The following TMEM132C variants were observed in gnomAD, a reference collection of about 807,000 sequenced individuals.
TMEM132C encodes the protein protein phosphatase 1, regulatory subunit 152.
A neutral mutation model predicts 61.4 loss-of-function variants in TMEM132C; 29 were observed. That is an observed-to-expected ratio of 0.47 (90% CI 0.35 to 0.64). The LOEUF is 0.64. Ranked by LOEUF, TMEM132C falls within the 30% of genes least tolerant of loss-of-function variation. The probability of loss-of-function intolerance (pLI) is 0.00; values close to 1 mark genes in which losing one functional copy is unlikely to be tolerated. For missense variants in TMEM132C, 1,408 were observed against 1,476.9 expected (o/e 0.95, Z 0.76); for synonymous variants, 656 against 633.1 (o/e 1.04, Z -0.54).
At chr12:128,371,298 T>A (rs1229034178) in intron 1 of TMEM132C, among the ~76,000 whole-genome samples, 1 of 152,220 alleles carries the variant, frequency 6.6e-6, no homozygotes, top group Admixed American at 6.5e-5. Context: ...TCTCTGTCAA[T>A]GTAAGTCAAG....
intron 1 of TMEM132C, among the ~76,000 whole-genome samples, chr12:128,313,360 T>G (rs993476209): frequency 6.6e-6 from 1 of 152,206 alleles, no homozygotes; most frequent in Non-Finnish European, 1.5e-5. Flanking sequence ...GAATCAGCCT[T>G]GGCACCCCCA....
chr12:128,436,905 G>A (rs28525498), intron 2 of TMEM132C, among the ~76,000 whole-genome samples: 18,764 of 152,042 alleles, frequency 0.12, 1,193 homozygotes, highest in South Asian at 0.14. Flanking sequence ...CCAAACGTCC[G>A]TCAATGATAG....
At chr12:128,295,995 C>T (rs1321366720) in intron 1 of TMEM132C, among the ~76,000 whole-genome samples, 1 of 152,136 alleles carries the variant, frequency 6.6e-6, no homozygotes, top group African/African-American at 2.4e-5. Context: ...AATGAGTGAA[C>T]ATTGGTTTTC....
At chr12:128,590,017 GT>G (rs2135565708) in intron 3 of TMEM132C, among the ~76,000 whole-genome samples, 1 of 152,290 alleles carries the variant, frequency 6.6e-6, no homozygotes, top group Admixed American at 6.5e-5. Context: ...AACAGTGGAG[GT>G]TGTTCATTGA....
chr12:128,507,318 G>A (rs1380371028), intron 2 of TMEM132C, among the ~76,000 whole-genome samples: 3 of 151,912 alleles, frequency 2.0e-5, no homozygotes, highest in Admixed American at 1.3e-4. Context: ...GAGATTTTAG[G>A]ATCGAGAGAG....
At chr12:128,481,671 T>G (rs967959253) in intron 2 of TMEM132C, among the ~76,000 whole-genome samples, 1 of 152,188 alleles carries the variant, frequency 6.6e-6, no homozygotes, top group African/African-American at 2.4e-5. Flanking sequence ...GAATCCTGCC[T>G]TCCCAAAAAG....
At chr12:128,396,627 G>C (rs1874968555) in intron 1 of TMEM132C, among the ~76,000 whole-genome samples, 1 of 152,202 alleles carries the variant, frequency 6.6e-6, no homozygotes, top group Non-Finnish European at 1.5e-5. Flanking sequence ...TGCCAGGCAT[G>C]ACTGAGCACT....
chr12:128,406,429 C>T (rs1043711431), intron 1 of TMEM132C, among the ~76,000 whole-genome samples: 2 of 152,164 alleles, frequency 1.3e-5, no homozygotes, highest in African/African-American at 2.4e-5. Flanking sequence ...GGAAGATGGT[C>T]ATTAACCAAA....
intron 1 of TMEM132C, among the ~76,000 whole-genome samples, chr12:128,329,104 G>T (rs961885969): frequency 2.0e-5 from 3 of 152,130 alleles, no homozygotes; most frequent in Non-Finnish European, 4.4e-5. Context: ...CAAATCCAGC[G>T]CAGACATCAT....
chr12:128,417,267 G>A (rs1868812800), intron 2 of TMEM132C, among the ~76,000 whole-genome samples: 1 of 152,122 alleles, frequency 6.6e-6, no homozygotes, highest in South Asian at 2.1e-4. Flanking sequence ...ATGCTAAGTA[G>A]TTGTAAAATT....
chr12:128,504,637 T>C (rs1872296381), intron 2 of TMEM132C, among the ~76,000 whole-genome samples: 1 of 152,014 alleles, frequency 6.6e-6, no homozygotes, highest in Non-Finnish European at 1.5e-5. Context: ...CTTTTCTCCA[T>C]GTGAGAGTGA....
Position 128,452,135 on chromosome 12 carries a change from C to A in TMEM132C, c.974+36515C>A, listed in dbSNP as rs905405969. ...TACAGGGTCTCTCTCACTCTGTCAC[C>A]CAGGCTGGAGTACAGTGGTGCGATC... On this transcript the variant is annotated intron_variant, in intron 2 of 8. Coordinates refer to ENST00000435159, the MANE Select transcript of TMEM132C (RefSeq NM_001136103.3). 2.6e-5 allele frequency among the ~76,000 whole-genome samples: 4 copies of A among 151,910 alleles called. No homozygotes were observed. The East Asian group carries it at 7.8e-4, about 30-fold the overall frequency.
At chr12:128,398,648 G>A (rs1396299785) in intron 1 of TMEM132C, among the ~76,000 whole-genome samples, 1 of 152,220 alleles carries the variant, frequency 6.6e-6, no homozygotes. Flanking sequence ...ATTCTTAGCT[G>A]TGTGACCTTG....
intron 1 of TMEM132C, among the ~76,000 whole-genome samples, chr12:128,349,918 TACACACACAC>T (rs56323654): frequency 6.7e-6 from 1 of 149,580 alleles, no homozygotes. Flanking sequence ...ACACGTACCG[TACACACACAC>T]ACACACACAC....
intron 4 of TMEM132C, among the ~76,000 whole-genome samples, chr12:128,645,506 A>G (rs1033868702): frequency 3.3e-5 from 5 of 151,976 alleles, no homozygotes; most frequent in Non-Finnish European, 7.4e-5. Flanking sequence ...TTTCGTTTCT[A>G]TGGTCACACC....
chr12:128,389,147 CTTCA>C (rs530425854), intron 1 of TMEM132C, among the ~76,000 whole-genome samples: 1 of 152,188 alleles, frequency 6.6e-6, no homozygotes, highest in African/African-American at 2.4e-5. Flanking sequence ...TTTGTTCCTA[CTTCA>C]TTCATTCATT....
At chr12:128,328,891 C>T (rs1342902789) in intron 1 of TMEM132C, among the ~76,000 whole-genome samples, 7 of 151,454 alleles carry the variant, frequency 4.6e-5, no homozygotes, top group Non-Finnish European at 8.8e-5. Flanking sequence ...CTAAGGTTGT[C>T]GGACTCTGGC....
intron 3 of TMEM132C, among the ~76,000 whole-genome samples, chr12:128,582,911 A>G (rs1875398558): frequency 6.6e-6 from 1 of 152,148 alleles, no homozygotes; most frequent in Non-Finnish European, 1.5e-5. Context: ...AAGTGCTGAG[A>G]TTATAAGCAT....
At chr12:128,475,375 A>G (rs986332623) in intron 2 of TMEM132C, among the ~76,000 whole-genome samples, 5 of 152,212 alleles carry the variant, frequency 3.3e-5, no homozygotes, top group Non-Finnish European at 5.9e-5. Flanking sequence ...GAACCAGAGA[A>G]CAGATTAGCA....
Sources: allele counts gnomAD v4.1 joint callset (sites outside exome capture counted in the v4.1 genomes callset), GRCh38; gene constraint gnomAD v4.1.1; transcripts MANE v1.5; gene names NCBI Gene and HGNC (gene_info 2026-07-23, HGNC 2026-07-21).